CAPN9: variants seen among roughly 807,000 people sequenced by gnomAD.
CAPN9 encodes the protein calpain 9, also known as calpain-9.
In CAPN9, 81 loss-of-function variants were observed where a neutral mutation model predicts 92.8. That is an observed-to-expected ratio of 0.87 (90% confidence interval 0.73 to 1.05). The LOEUF (loss-of-function observed/expected upper bound fraction) is 1.05. Among genes scored for constraint, CAPN9 ranks in the 50% least tolerant of loss-of-function variants. The probability of loss-of-function intolerance (pLI) is 0.00; values close to 1 mark genes in which losing one functional copy is unlikely to be tolerated. For synonymous variants in CAPN9, 304 were observed against 328.0 expected (o/e 0.93, Z 0.79); for missense variants, 848 against 866.2 (o/e 0.98, Z 0.26).
intron 7 of CAPN9, among the ~76,000 whole-genome samples, chr1:230,773,143 A>G (rs1558098506): frequency 1.3e-5 from 2 of 152,146 alleles, no homozygotes; most frequent in African/African-American, 4.8e-5. Context: ...CCGCTGCTGT[A>G]TTAGCCAGAC....
intron 18 of CAPN9, among the ~76,000 whole-genome samples, chr1:230,797,390 A>G (rs1003992897): frequency 6.6e-6 from 1 of 151,968 alleles, no homozygotes; most frequent in African/African-American, 2.4e-5. Context: ...TTCTCAGCAA[A>G]CCCTCAACAT....
At chr1:230,763,150 G>A (rs1665751977) in intron 4 of CAPN9, among the ~76,000 whole-genome samples, 2 of 152,158 alleles carry the variant, frequency 1.3e-5, no homozygotes, top group Non-Finnish European at 2.9e-5. Context: ...TATTACGCAC[G>A]TTGATATAGA....
intron 1 of CAPN9, among the ~76,000 whole-genome samples, chr1:230,753,083 C>T (rs1222781632): frequency 1.3e-5 from 2 of 152,102 alleles, no homozygotes; most frequent in Non-Finnish European, 2.9e-5. Context: ...GAGAGGGGTC[C>T]GCACAGGCAA....
At chr1:230,780,097 T>A in intron 9 of CAPN9, 82 bp from the exon 10 acceptor site, 2 of 871,182 alleles carry the variant, frequency 2.3e-6, no homozygotes, top group Non-Finnish European at 3.6e-6. Flanking sequence ...TGTGTGTGTG[T>A]GTGTGTGTGT....
chr1:230,759,470 A>G, intron 2 of CAPN9, 42 bp from the exon 3 acceptor site: 1 of 1,401,928 alleles, frequency 7.1e-7, no homozygotes, highest in Middle Eastern at 1.8e-4. Context: ...ATTTGCTGTG[A>G]AATAGCAATG....
chr1:230,769,114 G>T, intron 5 of CAPN9, 66 bp from the exon 6 acceptor site: 1 of 1,288,826 alleles, frequency 7.8e-7, no homozygotes, highest in South Asian at 1.2e-5. Flanking sequence ...CATGTAGCTG[G>T]GTCTGATCCA....
At position 230,747,510 on chromosome 1, in the gene CAPN9, A is replaced by G; in HGVS notation, c.14A>G (p.Tyr5Cys). The change falls in exon 1 of 20, where the codon TAC becomes TGC. Residue 5 changes from tyrosine (Y) to cysteine (C), a missense_variant. Transcript: ENST00000271971. MPYL[Y>C]RAPGPQAHPV... ...CAGGGAGCAGCCATGCCTTACCTCT[A>G]CCGGGCCCCAGGGCCTCAGGCACAC... The G allele has an allele frequency of 6.2e-7, 1 of 1,613,840 alleles. No individual in the cohort carries two copies. Among genetic ancestry groups the G allele is most frequent in the Non-Finnish European group, 8.5e-7 (1 of 1,179,954 alleles).
At chr1:230,792,774 C>A in intron 16 of CAPN9, 76 bp from the exon 17 acceptor site, 1 of 1,262,032 alleles carries the variant, frequency 7.9e-7, no homozygotes, top group Non-Finnish European at 1.2e-6. Context: ...CCCGGGCTGG[C>A]TGTCACCCAT....
At chr1:230,755,284 T>C (rs1178619599) in intron 1 of CAPN9, 53 bp from the exon 2 acceptor site, 39 of 1,397,226 alleles carry the variant, frequency 2.8e-5, no homozygotes, top group Middle Eastern at 1.8e-4. Context: ...TACCCTTTCA[T>C]AGTGGCTTGC....
chr1:230,755,789 G>A (rs1460898393), intron 2 of CAPN9, among the ~76,000 whole-genome samples: 3 of 152,124 alleles, frequency 2.0e-5, no homozygotes, highest in African/African-American at 7.2e-5. Context: ...CCCTCCTAAC[G>A]TCACAGATGA....
chr1:230,788,098 T>C (rs1667734647), intron 13 of CAPN9, among the ~76,000 whole-genome samples: 2 of 152,140 alleles, frequency 1.3e-5, no homozygotes, highest in Admixed American at 6.5e-5. Context: ...AGCAATCCTC[T>C]GGCCTCAGCC....
At chr1:230,797,225 T>C (rs183304528) in intron 18 of CAPN9, among the ~76,000 whole-genome samples, 1 of 152,300 alleles carries the variant, frequency 6.6e-6, no homozygotes, top group East Asian at 1.9e-4. Context: ...AATTACCATC[T>C]TGCTAACTTT....
At chr1:230,775,348 C>A (rs1429279992) in intron 8 of CAPN9, among the ~76,000 whole-genome samples, 1 of 152,214 alleles carries the variant, frequency 6.6e-6, no homozygotes, top group Non-Finnish European at 1.5e-5. Flanking sequence ...TTGAAGGCAG[C>A]TGCCCTGAGA....
At chr1:230,751,629 AAGAAAGAAAGAAAGAAAG>A (rs1558080027) in intron 1 of CAPN9, among the ~76,000 whole-genome samples, 2 of 84,606 alleles carry the variant, frequency 2.4e-5, no homozygotes, top group Non-Finnish European at 4.6e-5. Flanking sequence ...GAAAGAAAGA[AAGAAAGAAAGAAAGAAAG>A]AAAGAAAGAA....
chr1:230,762,507 C>A, intron 3 of CAPN9, 146 bp from the exon 4 acceptor site: 1 of 877,742 alleles, frequency 1.1e-6, no homozygotes, highest in Non-Finnish European at 1.7e-6. Context: ...AGGTGCCCTA[C>A]CTTGGAACCC....
chr1:230,793,497 T>C (rs1217299557), intron 17 of CAPN9, among the ~76,000 whole-genome samples: 1 of 152,168 alleles, frequency 6.6e-6, no homozygotes, highest in Non-Finnish European at 1.5e-5. Context: ...CCCACTCTTG[T>C]CCGGTGCTGG....
intron 6 of CAPN9, among the ~76,000 whole-genome samples, chr1:230,771,301 G>T (rs1201752460): frequency 6.6e-6 from 1 of 152,192 alleles, no homozygotes; most frequent in Admixed American, 6.5e-5. Flanking sequence ...ACAGTTTCTG[G>T]TTAGTTGATA....
At chr1:230,767,481 G>T in intron 4 of CAPN9, 60 bp from the exon 5 acceptor site, 1 of 1,390,820 alleles carries the variant, frequency 7.2e-7, no homozygotes, top group South Asian at 1.5e-5. Context: ...TGAAAGCAGG[G>T]TGCCCCAGTG....
rs1184061944 is a variant in CAPN9 at position 230,782,585 on chromosome 1, C to CA, written c.1481+1884dup. Reference sequence around the variant, plus strand: ...CAAGTCCCCCTAAATATGTGAATAGCAAAAAAACATGATTGCATCATTTTT... The same window carrying CA: ...CAAGTCCCCCTAAATATGTGAATAGCAAAAAAAACATGATTGCATCATTTTT... On this transcript the variant is annotated intron_variant, in intron 11 of 19. Transcript: ENST00000271971. 2.0e-5 allele frequency among the ~76,000 whole-genome samples: 3 copies of CA among 152,070 alleles called. No homozygotes were observed. In the South Asian group the frequency reaches 6.2e-4, roughly 32 times the overall value.
Sources: gnomAD v4.1 joint callset for allele counts (sites outside exome capture counted in the v4.1 genomes callset) on GRCh38, gnomAD v4.1.1 for gene constraint, MANE v1.5 for transcripts, NCBI Gene and HGNC (gene_info 2026-07-23, HGNC 2026-07-21) for gene names.